CIMIP6: variants seen among roughly 807,000 people sequenced by gnomAD.
CIMIP6 encodes the protein ciliary microtubule inner protein 6, also known as uncharacterized protein C2orf73.
the CIMIP6 span, among the ~76,000 whole-genome samples, chr2:54,341,624 A>G: frequency 6.6e-6 from 1 of 152,206 alleles, no homozygotes; most frequent in Admixed American, 6.5e-5. Context: ...AGTGCAGCAC[A>G]GAAATTAGAG....
chr2:54,349,937 T>C, the CIMIP6 span, among the ~76,000 whole-genome samples: 3 of 151,794 alleles, frequency 2.0e-5, no homozygotes, highest in Non-Finnish European at 4.4e-5. Flanking sequence ...GCAACCTCTG[T>C]CTCCCGGGCT....
At chr2:54,377,882 T>C in the CIMIP6 span, among the ~76,000 whole-genome samples, 1 of 152,166 alleles carries the variant, frequency 6.6e-6, no homozygotes, top group Non-Finnish European at 1.5e-5. Context: ...GGGATTGTTG[T>C]AAAAAGAAAA....
the CIMIP6 span, among the ~76,000 whole-genome samples, chr2:54,357,730 C>A: frequency 6.8e-6 from 1 of 146,272 alleles, no homozygotes; most frequent in African/African-American, 2.5e-5. Context: ...GCGTTCACCA[C>A]CACGCCCAGC....
At chr2:54,379,864 C>G in the CIMIP6 span, among the ~76,000 whole-genome samples, 2 of 151,752 alleles carry the variant, frequency 1.3e-5, no homozygotes, top group Non-Finnish European at 2.9e-5. Flanking sequence ...GTAATCCCAG[C>G]TACTCAGGAG....
At chr2:54,365,460 C>T in the CIMIP6 span, among the ~76,000 whole-genome samples, 2 of 152,096 alleles carry the variant, frequency 1.3e-5, no homozygotes, top group Non-Finnish European at 2.9e-5. Flanking sequence ...TAGCAGAACT[C>T]ATATGCCAAG....
chr2:54,350,264 G>C, the CIMIP6 span, among the ~76,000 whole-genome samples: 3 of 152,188 alleles, frequency 2.0e-5, no homozygotes, highest in Non-Finnish European at 4.4e-5. Context: ...ATTTGTTTTA[G>C]TTATTTGCAT....
chr2:54,381,759 C>T, the CIMIP6 span: 8 of 1,440,184 alleles, frequency 5.6e-6, no homozygotes, highest in East Asian at 2.1e-4. Flanking sequence ...GGGCACATTT[C>T]AGAACTCCAT....
At chr2:54,371,533 A>AC in the CIMIP6 span, among the ~76,000 whole-genome samples, 3 of 151,982 alleles carry the variant, frequency 2.0e-5, no homozygotes, top group Non-Finnish European at 4.4e-5. Context: ...GCTATACCCC[A>AC]CCCCCACTCC....
At chr2:54,344,378 T>A in the CIMIP6 span, among the ~76,000 whole-genome samples, 1 of 152,156 alleles carries the variant, frequency 6.6e-6, no homozygotes, top group Non-Finnish European at 1.5e-5. Flanking sequence ...GTGAAGAGAA[T>A]AGAAGGAAGA....
the CIMIP6 span, among the ~76,000 whole-genome samples, chr2:54,372,273 A>C: frequency 1.8e-4 from 28 of 152,320 alleles, no homozygotes; most frequent in African/African-American, 6.5e-4. Context: ...ATTATGACGC[A>C]GGAAATGTCA....
At chr2:54,379,055 G>A in the CIMIP6 span, among the ~76,000 whole-genome samples, 4 of 151,996 alleles carry the variant, frequency 2.6e-5, no homozygotes, top group Admixed American at 2.6e-4. Context: ...ATAAACCAAC[G>A]AAGAAACAAA....
At chr2:54,335,027 T>C in the CIMIP6 span, 1 of 1,584,426 alleles carries the variant, frequency 6.3e-7, no homozygotes, top group Non-Finnish European at 8.6e-7. Flanking sequence ...AAATACAGGT[T>C]GGACAGATGT....
At chr2:54,367,747 A>G in the CIMIP6 span, among the ~76,000 whole-genome samples, 20 of 152,296 alleles carry the variant, frequency 1.3e-4, no homozygotes, top group Middle Eastern at 0.02. Flanking sequence ...AGGATGCTCT[A>G]TAATATTTCA....
chr2:54,334,717 T>A, the CIMIP6 span: 74 of 839,988 alleles, frequency 8.8e-5, 1 homozygote, highest in East Asian at 2.0e-3. Context: ...TAAATTGTCT[T>A]GACTGCTGTT....
the CIMIP6 span, among the ~76,000 whole-genome samples, chr2:54,377,290 A>T: frequency 6.6e-6 from 1 of 152,110 alleles, no homozygotes; most frequent in African/African-American, 2.4e-5. Context: ...ACTTAACTGA[A>T]TATCAATTGG....
the CIMIP6 span, among the ~76,000 whole-genome samples, chr2:54,372,668 GC>G: frequency 1.3e-5 from 2 of 152,174 alleles, no homozygotes; most frequent in Non-Finnish European, 2.9e-5. Context: ...AGGGTGCCAG[GC>G]ACATGAGTGG....
chr2:54,352,021 G>A, the CIMIP6 span, among the ~76,000 whole-genome samples: 1 of 151,694 alleles, frequency 6.6e-6, no homozygotes, highest in Admixed American at 6.6e-5. Context: ...GCAAAACCTT[G>A]TAAATCTAAT....
chr2:54,358,483 C>G, the CIMIP6 span, among the ~76,000 whole-genome samples: 1 of 152,040 alleles, frequency 6.6e-6, no homozygotes, highest in Admixed American at 6.5e-5. Flanking sequence ...CTCACTGCAG[C>G]CTTGAACTTT....
chr2:54,362,508 C>G, the CIMIP6 span, among the ~76,000 whole-genome samples: 1 of 152,086 alleles, frequency 6.6e-6, no homozygotes. Context: ...TGTTTGAACA[C>G]TTGGATCTAT....
Sources: gnomAD v4.1 joint callset for allele counts (sites outside exome capture counted in the v4.1 genomes callset) on GRCh38, gnomAD v4.1.1 for gene constraint, MANE v1.5 for transcripts, NCBI Gene and HGNC (gene_info 2026-07-23, HGNC 2026-07-21) for gene names.